N4BP2: variants seen among roughly 807,000 people sequenced by gnomAD.
N4BP2 encodes NEDD4-binding protein 2.
A neutral mutation model predicts 152.8 loss-of-function variants in N4BP2; 91 were observed. The observed-to-expected ratio is 0.60, with a 90% CI of 0.50 to 0.71. The LOEUF (loss-of-function observed/expected upper bound fraction) is 0.71, where lower values mean the gene tolerates loss of function less well. Among genes scored for constraint, N4BP2 ranks in the 30% least tolerant of loss-of-function variants. The pLI is 0.00. For missense variants in N4BP2, 1,923 were observed against 2,059.1 expected, an observed-to-expected ratio of 0.93 and a Z score of 1.28; for synonymous variants, 646 against 705.3, an observed-to-expected ratio of 0.92 and a Z score of 1.33.
At chr4:40,091,662 G>A (rs138832806) in intron 2 of N4BP2, among the ~76,000 whole-genome samples, 27 of 127,304 alleles carry the variant, frequency 2.1e-4, no homozygotes, top group African/African-American at 7.2e-4. Context: ...CTGGAGCATA[G>A]TGGTGTGATC....
At chr4:40,176,007 G>A in the N4BP2 span, among the ~76,000 whole-genome samples, 2 of 150,576 alleles carry the variant, frequency 1.3e-5, no homozygotes, top group East Asian at 2.0e-4. Context: ...GGAGAATGGC[G>A]TGAACCCGGG....
In N4BP2 at chr4:40,113,455, C is replaced by T; in HGVS notation, c.1611C>T (p.Val537=). ...VALSQKHKYK[V]LFREPDTWWK... Reference sequence around the variant, plus strand: ...AGTCTCAGAAACACAAATATAAAGTCCTTTTTCGGGAACCAGACACATGGT... The same window carrying T: ...AGTCTCAGAAACACAAATATAAAGTTCTTTTTCGGGAACCAGACACATGGT... Residue 537 remains valine (V), a synonymous_variant, in exon 7 of 18, where the codon GTC becomes GTT. Transcript: ENST00000261435. 2.5e-6 allele frequency: 4 copies of T among 1,612,988 alleles called. No individual in the cohort carries two copies. Among genetic ancestry groups the T allele is most frequent in the Non-Finnish European group, 3.4e-6 (4 of 1,179,262 alleles).
At chr4:40,082,068 C>T (rs1327777471) in intron 2 of N4BP2, among the ~76,000 whole-genome samples, 2 of 151,932 alleles carry the variant, frequency 1.3e-5, no homozygotes, top group South Asian at 2.1e-4. Context: ...GCCAAGGTTG[C>T]GCCATTGCAC....
At chr4:40,122,357 T>A in intron 9 of N4BP2, 48 bp downstream of exon 9, 1 of 1,254,762 alleles carries the variant, frequency 8.0e-7, no homozygotes, top group Non-Finnish European at 1.1e-6. Flanking sequence ...GTGACTAGAC[T>A]ACAGAGGGTT....
At chr4:40,096,558 G>C (rs960013174) in intron 2 of N4BP2, among the ~76,000 whole-genome samples, 3 of 152,174 alleles carry the variant, frequency 2.0e-5, no homozygotes, top group African/African-American at 7.2e-5. Context: ...TAGAAGAAAG[G>C]CATGATCCAC....
Position 40,093,673 on chromosome 4 carries a change from A to G in N4BP2, c.-114-3554A>G, listed in dbSNP as rs576023386. ...CTCTTGTCGCCCAGGCTGGAGTGCA[A>G]TGGCACTGTCTTGGCTCACTGTAAC... On this transcript the variant is annotated intron_variant, in intron 2 of 17. Coordinates refer to ENST00000261435, the MANE Select transcript of N4BP2 (RefSeq NM_018177.6). 4.6e-5 allele frequency among the ~76,000 whole-genome samples: 7 copies of G among 151,804 alleles called. No individual in the cohort carries two copies. The South Asian group carries it at 1.0e-3, about 22-fold the overall frequency.
At chr4:40,123,039 TTG>T in intron 9 of N4BP2, 86 bp from the exon 10 acceptor site, 1 of 731,234 alleles carries the variant, frequency 1.4e-6, no homozygotes, top group Non-Finnish European at 2.4e-6. Context: ...CAAGTTAGTT[TTG>T]TGATGCATAA....
At chr4:40,158,415 A>T (rs1285246090), downstream of N4BP2, among the ~76,000 whole-genome samples, 2 of 152,200 alleles carry the variant, frequency 1.3e-5, no homozygotes, top group Non-Finnish European at 2.9e-5. Flanking sequence ...GTAGCAAATA[A>T]GAGTCTACTT....
At position 40,105,108 on chromosome 4, in the gene N4BP2, C is replaced by T. The variant is rs1400269091; in HGVS notation, c.1374-1792C>T. Among the ~76,000 whole-genome samples, 4 of 152,038 alleles carry T rather than the reference C, an allele frequency of 2.6e-5. No individual in the cohort carries two copies. The East Asian group carries it at 5.8e-4, about 22-fold the overall frequency. ...TGAGCCACCACGCCCAACAATCCTG[C>T]GTTGTCTTGAAGAGAATGGTCTAGT... On this transcript the variant is annotated intron_variant, in intron 4 of 17. Transcript: ENST00000261435.
rs1717085545 is a variant in N4BP2, at chr4:40,113,522, G to T, written c.1664+14G>T. ...GGAACTTGCAAGGTAAAACTTGGAG[G>T]CTACCTAACATGCTTTTTATGTAAC... On this transcript the variant is annotated intron_variant, in intron 7 of 17. Coordinates refer to ENST00000261435, the MANE Select transcript of N4BP2 (RefSeq NM_018177.6). 6.3e-7 allele frequency: 1 copy of T among 1,590,026 alleles called. No homozygotes were observed. Among genetic ancestry groups the T allele is most frequent in the Non-Finnish European group, 8.6e-7 (1 of 1,159,028 alleles).
At chr4:40,162,126 T>C (rs1334926967), downstream of N4BP2, among the ~76,000 whole-genome samples, 1 of 152,222 alleles carries the variant, frequency 6.6e-6, no homozygotes, top group African/African-American at 2.4e-5. Context: ...GTAGAAACTA[T>C]TGTATTCTAA....
rs1315313759 is a variant in N4BP2, at chr4:40,065,537, G to GA, written c.-211-7911dup. Among the ~76,000 whole-genome samples, 4 of 152,226 alleles carry GA rather than the reference G, an allele frequency of 2.6e-5. No homozygotes were observed. In the East Asian group the frequency reaches 7.7e-4, roughly 29 times the overall value. On this transcript the variant is annotated intron_variant, in intron 1 of 17. Coordinates refer to ENST00000261435, the MANE Select transcript of N4BP2 (RefSeq NM_018177.6). ...GACAGAGACCAAGAAGGGCCAGACA[G>GA]AAAAAAACCAGTAAATGCTGCTTGG... is the stretch of plus-strand genomic sequence containing the variant.
Position 40,144,779 on chromosome 4 carries a change from G to A in N4BP2, c.5122G>A (p.Val1708Ile), listed in dbSNP as rs1370733672. The change falls in exon 16 of 18, where the codon GTT becomes ATT. Residue 1708 changes from valine to isoleucine, a missense_variant. Physicochemically the swap from Val to Ile is conservative, Grantham distance 29. Transcript: ENST00000261435. The stretch of plus-strand genomic sequence containing the variant: ...TGAAGCTCTAGAACATTTGATGAGA[G>A]TTTTAGAGAAGAAGACTGAAGGTAG... Reference protein sequence around the residue: ...VDEALEHLMRVLEKKTEEFKQ... With the variant: ...VDEALEHLMRILEKKTEEFKQ... 16 of 1,611,280 alleles carry A rather than the reference G, an allele frequency of 9.9e-6. No homozygotes were observed. The highest frequency in any genetic ancestry group is 1.2e-5 in the Non-Finnish European group (14 of 1,178,842).
chr4:40,174,205 T>G, the N4BP2 span, among the ~76,000 whole-genome samples: 3 of 151,770 alleles, frequency 2.0e-5, no homozygotes, highest in African/African-American at 7.3e-5. Context: ...AGCAAGACAC[T>G]GTCTCTACAA....
In N4BP2 at chr4:40,123,221, G is replaced by C; in HGVS notation, c.4284+9G>C. On this transcript the variant is annotated intron_variant, in intron 10 of 17. Transcript: ENST00000261435. ...GGAAAGAATCTGTAATGGTTGGTAGGCTTCTTTTTATAAAGAGCTCCTTTT... is the reference window on the plus strand; with the variant it reads ...GGAAAGAATCTGTAATGGTTGGTAGCCTTCTTTTTATAAAGAGCTCCTTTT... 6.3e-7 allele frequency: 1 copy of C among 1,587,924 alleles called. No individual in the cohort carries two copies. The highest frequency in any genetic ancestry group is 8.6e-7 in the Non-Finnish European group (1 of 1,159,370).
Position 40,121,749 on chromosome 4 carries a change from A to C in N4BP2, c.3638A>C (p.Asn1213Thr). 1 of 1,613,944 alleles carries C rather than the reference A, an allele frequency of 6.2e-7. No individual in the cohort carries two copies. The highest frequency in any genetic ancestry group is 8.5e-7 in the Non-Finnish European group (1 of 1,179,968). Residue 1213 changes from asparagine (N) to threonine (T), a missense_variant, in exon 9 of 18, where the codon AAC becomes ACC. Asn to Thr is a moderately conservative substitution (Grantham distance 65). Transcript: ENST00000261435. ...GAAATGAGAGCTGTCACTCCTGAAA[A>C]CCATGAATCGATGACAAGTATATTT... Reference protein sequence around the residue: ...QAEMRAVTPENHESMTSIFPS... With the variant: ...QAEMRAVTPETHESMTSIFPS...
Position 40,102,942 on chromosome 4 carries a change from T to C in N4BP2, c.1097T>C (p.Met366Thr), listed in dbSNP as rs766012345. ...CCACCTCCACCGATGTGGAATCCAA[T>C]GATTCCTGCTTTTGACCTCTTCCAA... ...PPPPPPMWNP[M>T]IPAFDLFQGN... The change falls in exon 4 of 18, where the codon ATG (methionine) becomes ACG (threonine). Residue 366 changes from methionine (M) to threonine (T), a missense_variant. Transcript: ENST00000261435. 2.5e-6 allele frequency: 4 copies of C among 1,614,218 alleles called. No individual in the cohort carries two copies. The highest frequency in any genetic ancestry group is 3.3e-5 in the Admixed American group (2 of 60,024).
chr4:40,153,005 C>T (rs1721283069), intron 17 of N4BP2, 102 bp downstream of exon 17: 8 of 1,083,828 alleles, frequency 7.4e-6, no homozygotes, highest in Non-Finnish European at 1.1e-5. Flanking sequence ...TAGCAATAGC[C>T]CTAATATAGC....
chr4:40,088,029 A>T (rs1714150908), intron 2 of N4BP2, among the ~76,000 whole-genome samples: 1 of 152,176 alleles, frequency 6.6e-6, no homozygotes, highest in Non-Finnish European at 1.5e-5. Context: ...AAGTGCTGGG[A>T]TTACAGACCG....
Sources: allele counts gnomAD v4.1 joint callset (sites outside exome capture counted in the v4.1 genomes callset), GRCh38; gene constraint gnomAD v4.1.1; transcripts MANE v1.5; gene names NCBI Gene and HGNC (gene_info 2026-07-23, HGNC 2026-07-21).